Variants in GADL1 observed in about 807,000 individuals in gnomAD.
GADL1 encodes acidic amino acid decarboxylase GADL1.
A neutral mutation model predicts 69.5 loss-of-function variants in GADL1; 71 were observed. The ratio of observed to expected loss-of-function variants is 1.02; its 90% CI spans 0.84 to 1.25. The LOEUF is 1.25. Among genes scored for constraint, GADL1 ranks in the 50% most tolerant of loss-of-function variants. The pLI, the probability that GADL1 is intolerant of heterozygous loss-of-function variation, is 0.00. For synonymous variants in GADL1, 254 were observed against 214.4 expected (o/e 1.18, Z -1.62); for missense variants, 737 against 631.8 (o/e 1.17, Z -1.79).
At chr3:30,759,764 T>G (rs1696077464) in intron 14 of GADL1, among the ~76,000 whole-genome samples, 1 of 152,206 alleles carries the variant, frequency 6.6e-6, no homozygotes, top group Admixed American at 6.5e-5. Context: ...ACTGGGTTTG[T>G]GCATATGGCT....
At chr3:30,754,691 C>T (rs1019067174) in intron 14 of GADL1, among the ~76,000 whole-genome samples, 2 of 152,086 alleles carry the variant, frequency 1.3e-5, no homozygotes, top group Non-Finnish European at 2.9e-5. Flanking sequence ...TGCCTAAGAG[C>T]TCTGGTTCTT....
At chr3:30,816,731 A>G (rs889195860) in intron 11 of GADL1, among the ~76,000 whole-genome samples, 1 of 151,032 alleles carries the variant, frequency 6.6e-6, no homozygotes, top group Non-Finnish European at 1.5e-5. Flanking sequence ...TTTTTGGTAG[A>G]GACAGGATTT....
intron 11 of GADL1, among the ~76,000 whole-genome samples, chr3:30,822,193 C>A (rs114044306): frequency 0.012 from 1,759 of 152,074 alleles, 32 homozygotes; most frequent in African/African-American, 0.04. Context: ...TTTCCAAATA[C>A]CAATATCTCC....
chr3:30,820,675 G>C (rs1214098348), intron 11 of GADL1, among the ~76,000 whole-genome samples: 4 of 152,124 alleles, frequency 2.6e-5, no homozygotes, highest in Non-Finnish European at 5.9e-5. Flanking sequence ...GGAAACAACA[G>C]GTGCTAGAGA....
At chr3:30,823,826 A>C (rs779702386) in intron 11 of GADL1, among the ~76,000 whole-genome samples, 2 of 152,006 alleles carry the variant, frequency 1.3e-5, no homozygotes, top group Non-Finnish European at 2.9e-5. Context: ...ATCCATTAGA[A>C]ATTATAAAGC....
At chr3:30,867,616 A>G (rs1209455411) in intron 1 of GADL1, among the ~76,000 whole-genome samples, 1 of 151,928 alleles carries the variant, frequency 6.6e-6, no homozygotes, top group African/African-American at 2.4e-5. Context: ...TGCCTTGCCC[A>G]AGGTCACAGA....
intron 1 of GADL1, among the ~76,000 whole-genome samples, chr3:30,863,071 ACACT>A (rs765341120): frequency 4.7e-4 from 72 of 151,750 alleles, no homozygotes; most frequent in Non-Finnish European, 7.8e-4. Context: ...TCACACTCAC[ACACT>A]CACTCTCTCT....
intron 14 of GADL1, among the ~76,000 whole-genome samples, chr3:30,755,307 CTTA>C (rs1203922165): frequency 1.3e-4 from 20 of 151,890 alleles, no homozygotes; most frequent in African/African-American, 4.6e-4. Context: ...GGATGCTTTT[CTTA>C]TTAAATAGCA....
At position 30,778,287 on chromosome 3, in the gene GADL1, A is replaced by G. The variant is rs759734037; in HGVS notation, c.1303-19T>C. 8 of 1,463,820 alleles carry G rather than the reference A, an allele frequency of 5.5e-6. No homozygotes were observed. The highest frequency in any genetic ancestry group is 4.5e-5 in the East Asian group (2 of 44,142). 90.7% of individuals were successfully genotyped at this position (1,463,820 alleles called of 1,614,324 possible). On this transcript the variant is annotated intron_variant, in intron 13 of 14. Coordinates refer to ENST00000282538, the MANE Select transcript of GADL1 (RefSeq NM_207359.3). The stretch of plus-strand genomic sequence containing the variant: ...ATTCAGGCTGAGAATTAGAAAAAAT[A>G]TAAAGTTGTTATCTTAAGATTTATC...
intron 11 of GADL1, among the ~76,000 whole-genome samples, chr3:30,804,070 T>A (rs1697210645): frequency 6.6e-6 from 1 of 152,236 alleles, no homozygotes; most frequent in African/African-American, 2.4e-5. Context: ...GTAGACATTG[T>A]ATTAGGACTT....
At position 30,781,683 on chromosome 3, in the gene GADL1, A is replaced by G. The variant is rs185577711; in HGVS notation, c.1303-3415T>C. Among the ~76,000 whole-genome samples, 4 of 152,324 alleles carry G rather than the reference A, an allele frequency of 2.6e-5. No homozygotes were observed. In the East Asian group the frequency reaches 7.7e-4, roughly 29 times the overall value. On this transcript the variant is annotated intron_variant, in intron 13 of 14. Coordinates refer to ENST00000282538, the MANE Select transcript of GADL1 (RefSeq NM_207359.3). Reference sequence around the variant, plus strand: ...ACTTCATCAGATCTTTGGGATGAGTATCAAACTTTCTGTTTCTGCTTCCTA... The same window carrying G: ...ACTTCATCAGATCTTTGGGATGAGTGTCAAACTTTCTGTTTCTGCTTCCTA...
intron 12 of GADL1, among the ~76,000 whole-genome samples, chr3:30,790,446 T>C (rs1013535032): frequency 1.3e-5 from 2 of 152,226 alleles, no homozygotes; most frequent in East Asian, 1.9e-4. Context: ...ATAGACTTGC[T>C]CCATGCAGGA....
At chr3:30,738,177 T>C (rs750900676) in intron 14 of GADL1, among the ~76,000 whole-genome samples, 14 of 152,188 alleles carry the variant, frequency 9.2e-5, no homozygotes, top group Non-Finnish European at 1.6e-4. Flanking sequence ...TGTCTGCCTA[T>C]GTTGGGAGAT....
chr3:30,871,042 AGTGTGTGTGTGTGTGTGTGTGTGT>A (rs4016178), intron 1 of GADL1, among the ~76,000 whole-genome samples: 1 of 141,378 alleles, frequency 7.1e-6, no homozygotes, highest in African/African-American at 2.6e-5. Context: ...AAGGCAGAAA[AGTGTGTGTGTGTGTGTGTGTGTGT>A]GTGTGTGTGT....
chr3:30,851,953 C>T (rs1332550458), intron 4 of GADL1, among the ~76,000 whole-genome samples: 2 of 152,018 alleles, frequency 1.3e-5, no homozygotes, highest in African/African-American at 4.8e-5. Context: ...TTTTCTCTCT[C>T]CAGACAACTT....
chr3:30,852,144 G>T (rs144119771), intron 4 of GADL1, among the ~76,000 whole-genome samples: 90 of 152,202 alleles, frequency 5.9e-4, no homozygotes, highest in South Asian at 1.7e-3. Context: ...CATAAAAGCT[G>T]GTCACCTACT....
rs200068565 is a variant in GADL1 at position 30,876,269 on chromosome 3, CA to C, written c.38-14505del. 1.2e-3 allele frequency among the ~76,000 whole-genome samples: 181 copies of C among 152,158 alleles called. 1 individual carries two copies. In the East Asian group the frequency reaches 0.032, roughly 27 times the overall value. On this transcript the variant is annotated intron_variant, in intron 1 of 14. Transcript: ENST00000282538. ...GCTAGAAGGTATCAGAGATCAAATT[CA>C]AATAGGTCTATATGATTCTCAAACC...
chr3:30,737,932 A>C (rs1695562105), intron 14 of GADL1, among the ~76,000 whole-genome samples: 1 of 152,230 alleles, frequency 6.6e-6, no homozygotes, highest in Non-Finnish European at 1.5e-5. Context: ...TGGTGTTTAC[A>C]ACATAGTGAC....
chr3:30,817,447 T>C (rs9856958), intron 11 of GADL1, among the ~76,000 whole-genome samples: 21,367 of 152,212 alleles, frequency 0.14, 1,701 homozygotes, highest in East Asian at 0.28. Context: ...TCTACTTCCC[T>C]AGAGATTTTC....
Sources: gnomAD v4.1 joint callset for allele counts (sites outside exome capture counted in the v4.1 genomes callset) on GRCh38, gnomAD v4.1.1 for gene constraint, MANE v1.5 for transcripts, NCBI Gene and HGNC (gene_info 2026-07-23, HGNC 2026-07-21) for gene names.